FBN2: variants seen among roughly 807,000 people sequenced by gnomAD.
The protein encoded by FBN2 is fibrillin-2.
In FBN2, 105 loss-of-function variants were observed where a neutral mutation model predicts 355.6. That is an observed-to-expected ratio of 0.30 (90% CI 0.25 to 0.35). The LOEUF (loss-of-function observed/expected upper bound fraction) is 0.35. Among genes scored for constraint, FBN2 ranks in the 10% least tolerant of loss-of-function variants. FBN2 has a pLI of 1.00. For synonymous variants in FBN2, 1,350 were observed against 1,301.2 expected (o/e 1.04, Z -0.81); for missense variants, 3,280 against 3,758.7 (o/e 0.87, Z 3.33).
At chr5:128,410,643 T>C (rs1753037925) in intron 7 of FBN2, among the ~76,000 whole-genome samples, 1 of 152,324 alleles carries the variant, frequency 6.6e-6, no homozygotes, top group South Asian at 2.1e-4. Flanking sequence ...CTTAAAACTC[T>C]TCCTGACAAT....
intron 5 of FBN2, among the ~76,000 whole-genome samples, chr5:128,491,469 A>G (rs4835947): frequency 0.5 from 75,546 of 152,006 alleles, 22,030 homozygotes; most frequent in African/African-American, 0.82. Context: ...TGAGCTTAGG[A>G]AGTAATCACG....
At position 128,409,793 on chromosome 5, in the gene FBN2, T is replaced by A. The variant is rs973278891; in HGVS notation, c.953-994A>T. Among the ~76,000 whole-genome samples, 56 of 152,304 alleles carry A rather than the reference T, an allele frequency of 3.7e-4. 1 individual carries two copies. The highest frequency in any genetic ancestry group is 1.3e-3 in the African/African-American group (55 of 41,576). The stretch of plus-strand genomic sequence containing the variant: ...AATAAGCTGACTTTTAGTTTTTCTC[T>A]TTTCAGTTGCATTTATTCTTTTAAA... On this transcript the variant is annotated intron_variant, in intron 7 of 64. Coordinates refer to ENST00000262464, the MANE Select transcript of FBN2 (RefSeq NM_001999.4).
At chr5:128,393,486 A>G in intron 9 of FBN2, 118 bp from the exon 10 acceptor site, 1 of 780,244 alleles carries the variant, frequency 1.3e-6, no homozygotes, top group Non-Finnish European at 2.2e-6. Flanking sequence ...ATGATTAAGT[A>G]GGTTACTATC....
chr5:128,323,423 A>T (rs1750444805), intron 34 of FBN2, among the ~76,000 whole-genome samples: 1 of 152,178 alleles, frequency 6.6e-6, no homozygotes, highest in African/African-American at 2.4e-5. Context: ...TTATTTTGAG[A>T]TACATTCCAT....
intron 5 of FBN2, among the ~76,000 whole-genome samples, chr5:128,501,496 C>A (rs1014996258): frequency 1.3e-5 from 2 of 152,060 alleles, no homozygotes; most frequent in Non-Finnish European, 2.9e-5. Flanking sequence ...AGAAATGGGT[C>A]GGGAACTATG....
chr5:128,325,663 CT>C (rs1750524692), intron 34 of FBN2, among the ~76,000 whole-genome samples: 1 of 152,052 alleles, frequency 6.6e-6, no homozygotes. Flanking sequence ...TGTTTAGTAC[CT>C]TTTTTCTAGT....
chr5:128,365,016 T>C (rs1435870870), intron 17 of FBN2, among the ~76,000 whole-genome samples: 1 of 152,094 alleles, frequency 6.6e-6, no homozygotes, highest in Non-Finnish European at 1.5e-5. Context: ...ATAAAGACAA[T>C]TTATAGGCTG....
chr5:128,320,729 A>T (rs1343712444), intron 34 of FBN2, among the ~76,000 whole-genome samples: 1 of 152,242 alleles, frequency 6.6e-6, no homozygotes, highest in African/African-American at 2.4e-5. Context: ...ACATTTTTAT[A>T]TACATATTTA....
At chr5:128,408,117 A>T (rs911689595) in intron 8 of FBN2, among the ~76,000 whole-genome samples, 5 of 152,190 alleles carry the variant, frequency 3.3e-5, no homozygotes, top group African/African-American at 1.2e-4. Flanking sequence ...GCATCAAAAG[A>T]CACTTCATAA....
At chr5:128,317,368 G>A (rs150355528) in intron 36 of FBN2, among the ~76,000 whole-genome samples, 47 of 152,280 alleles carry the variant, frequency 3.1e-4, no homozygotes, top group Non-Finnish European at 6.2e-4. Flanking sequence ...GGAAAACACA[G>A]ACTTGGAGTT....
At chr5:128,265,258 C>T (rs1387781499) in intron 62 of FBN2, among the ~76,000 whole-genome samples, 2 of 152,118 alleles carry the variant, frequency 1.3e-5, no homozygotes, top group South Asian at 4.2e-4. Context: ...AATTAGATTA[C>T]AATTTAATAA....
intron 5 of FBN2, among the ~76,000 whole-genome samples, chr5:128,513,313 TATA>T (rs1220775145): frequency 2.6e-5 from 4 of 152,380 alleles, no homozygotes; most frequent in Non-Finnish European, 5.9e-5. Flanking sequence ...GTAAATTCTA[TATA>T]ATAACAACTG....
intron 8 of FBN2, among the ~76,000 whole-genome samples, chr5:128,403,877 T>C (rs1219007736): frequency 6.6e-6 from 1 of 152,168 alleles, no homozygotes; most frequent in East Asian, 1.9e-4. Context: ...TTAAATTGCC[T>C]GGTTAAACTC....
chr5:128,397,877 C>A (rs529433522), intron 8 of FBN2, among the ~76,000 whole-genome samples: 3 of 152,224 alleles, frequency 2.0e-5, no homozygotes, highest in South Asian at 4.1e-4. Context: ...CCACTCTCCC[C>A]CAATACATAA....
At chr5:128,431,676 A>G (rs1273516432) in intron 7 of FBN2, among the ~76,000 whole-genome samples, 1 of 152,180 alleles carries the variant, frequency 6.6e-6, no homozygotes, top group Non-Finnish European at 1.5e-5. Context: ...TCTCTTTGGT[A>G]TATCTGAATC....
At chr5:128,298,239 A>AG (rs1749587014) in intron 48 of FBN2, among the ~76,000 whole-genome samples, 1 of 151,772 alleles carries the variant, frequency 6.6e-6, no homozygotes, top group Non-Finnish European at 1.5e-5. Flanking sequence ...TTTGAGGGTA[A>AG]CCTGACCTTT....
intron 5 of FBN2, among the ~76,000 whole-genome samples, chr5:128,479,958 CTCTCTCTCTCTCTCTCTCTATATATA>C (rs1755112986): frequency 1.4e-4 from 5 of 36,262 alleles, no homozygotes; most frequent in East Asian, 9.5e-4. Context: ...CTCTCTCTCT[CTCTCTCTCTCTCTCTCTCTATATATA>C]TATATATATA....
rs1225074929 is a variant in FBN2, at chr5:128,309,261, G to C, written c.5339C>G (p.Pro1780Arg). Residue 1780 changes from proline (P) to arginine (R), a missense_variant, in exon 41 of 65, where the codon CCA becomes CGA. By Grantham distance (103) the Pro-to-Arg change is moderately radical. Coordinates refer to ENST00000262464, the MANE Select transcript of FBN2 (RefSeq NM_001999.4). ...KAWNKPCEPC[P>R]TPGTADFKTI... ...CGTGTGCTTACCTGTTCCTGGAGTT[G>C]GGCATGGTTCACAAGGTTTGTTCCA... 5.6e-6 allele frequency: 9 copies of C among 1,613,924 alleles called. No homozygotes were observed. The highest frequency in any genetic ancestry group is 7.6e-6 in the Non-Finnish European group (9 of 1,179,956).
At position 128,305,914 on chromosome 5, in the gene FBN2, A is replaced by G; in HGVS notation, c.5457T>C (p.Cys1819=). ...TCTGGTTAATGCACACACCATTTGC[A>G]CAAATGCCTGGAATCTCTTTACATT... ...IDECKEIPGI[C]ANGVCINQIG... is the part of the protein sequence containing the mutation. The change falls in exon 43 of 65, where the codon TGT becomes TGC. Residue 1819 remains cysteine, a synonymous_variant. Coordinates refer to ENST00000262464, the MANE Select transcript of FBN2 (RefSeq NM_001999.4). 6.2e-7 allele frequency: 1 copy of G among 1,613,864 alleles called. No homozygotes were observed. Among genetic ancestry groups the G allele is most frequent in the Non-Finnish European group, 8.5e-7 (1 of 1,179,750 alleles).
Sources: allele counts gnomAD v4.1 joint callset (sites outside exome capture counted in the v4.1 genomes callset), GRCh38; gene constraint gnomAD v4.1.1; transcripts MANE v1.5; gene names NCBI Gene and HGNC (gene_info 2026-07-23, HGNC 2026-07-21).